The following GALNTL6 variants were observed in gnomAD, a reference collection of about 807,000 sequenced individuals.
GALNTL6 encodes the protein polypeptide N-acetylgalactosaminyltransferase-like 6.
A neutral mutation model predicts 73.7 loss-of-function variants in GALNTL6; 46 were observed. That is an observed-to-expected ratio of 0.62 (90% CI 0.49 to 0.80). The LOEUF (loss-of-function observed/expected upper bound fraction) is 0.80. Ranked by LOEUF, GALNTL6 falls within the 30% of genes least tolerant of loss-of-function variation. GALNTL6 has a pLI of 0.00. For missense variants in GALNTL6, 604 were observed against 755.0 expected (o/e 0.80, Z 2.34); for synonymous variants, 259 against 263.7 (o/e 0.98, Z 0.17).
intron 2 of GALNTL6, among the ~76,000 whole-genome samples, chr4:172,203,193 A>T (rs994376123): frequency 9.9e-5 from 15 of 152,192 alleles, no homozygotes; most frequent in African/African-American, 3.4e-4. Context: ...AAATGTGACC[A>T]TATAGCTATA....
intron 3 of GALNTL6, among the ~76,000 whole-genome samples, chr4:172,298,836 G>A (rs1298676343): frequency 2.0e-5 from 3 of 152,076 alleles, no homozygotes; most frequent in Non-Finnish European, 4.4e-5. Flanking sequence ...CTCTTTTTTT[G>A]TTGTGTCTCT....
intron 10 of GALNTL6, among the ~76,000 whole-genome samples, chr4:173,006,365 T>C (rs751268270): frequency 1.3e-5 from 2 of 152,196 alleles, no homozygotes; most frequent in Non-Finnish European, 2.9e-5. Flanking sequence ...GTCAGGTAGC[T>C]TTCAGGTTAT....
chr4:173,004,610 G>T (rs984298191), intron 10 of GALNTL6, among the ~76,000 whole-genome samples: 6 of 152,140 alleles, frequency 3.9e-5, no homozygotes, highest in African/African-American at 7.2e-5. Context: ...TGGGGAACAA[G>T]AGTGAAACTC....
intron 2 of GALNTL6, among the ~76,000 whole-genome samples, chr4:171,957,357 G>T (rs1739081131): frequency 6.6e-6 from 1 of 152,072 alleles, no homozygotes; most frequent in Admixed American, 6.5e-5. Flanking sequence ...ATTTATAATT[G>T]TAGTTTTATA....
At chr4:172,371,913 C>G (rs1742827572) in intron 5 of GALNTL6, among the ~76,000 whole-genome samples, 1 of 152,136 alleles carries the variant, frequency 6.6e-6, no homozygotes, top group Non-Finnish European at 1.5e-5. Context: ...AATGGGGGTT[C>G]CCAGCAGTTA....
chr4:172,571,436 G>A (rs1381976268), intron 5 of GALNTL6, among the ~76,000 whole-genome samples: 1 of 152,098 alleles, frequency 6.6e-6, no homozygotes, highest in Non-Finnish European at 1.5e-5. Context: ...AATAATCCAG[G>A]AGTCTAACTC....
At chr4:172,086,052 C>A (rs939353207) in intron 2 of GALNTL6, among the ~76,000 whole-genome samples, 9 of 152,060 alleles carry the variant, frequency 5.9e-5, no homozygotes, top group African/African-American at 2.2e-4. Context: ...TTGTTTATAT[C>A]AACCAAAATT....
At chr4:172,820,799 T>C (rs1277263850) in intron 7 of GALNTL6, among the ~76,000 whole-genome samples, 1 of 152,194 alleles carries the variant, frequency 6.6e-6, no homozygotes, top group African/African-American at 2.4e-5. Flanking sequence ...AAAAATCAAA[T>C]TGATGCATAA....
intron 5 of GALNTL6, among the ~76,000 whole-genome samples, chr4:172,581,158 A>T (rs1737170469): frequency 6.6e-6 from 1 of 152,260 alleles, no homozygotes; most frequent in African/African-American, 2.4e-5. Flanking sequence ...AGAAATGGAC[A>T]TTGGATTCTC....
rs560246669 is a variant in GALNTL6 at position 172,687,955 on chromosome 4, A to T, written c.554-121406A>T. ...AACTCAATGTGTATGGCCTGTCTTA[A>T]CTATTTTCCTTAAAGTCATTTTGGT... On this transcript the variant is annotated intron_variant, in intron 5 of 12. Coordinates refer to ENST00000506823, the MANE Select transcript of GALNTL6 (RefSeq NM_001034845.3). 2.0e-5 allele frequency among the ~76,000 whole-genome samples: 3 copies of T among 152,346 alleles called. No homozygotes were observed. In the South Asian group the frequency reaches 6.2e-4, roughly 32 times the overall value.
chr4:172,086,051 T>G (rs1221989692), intron 2 of GALNTL6, among the ~76,000 whole-genome samples: 1 of 152,148 alleles, frequency 6.6e-6, no homozygotes, highest in Non-Finnish European at 1.5e-5. Context: ...TTTGTTTATA[T>G]CAACCAAAAT....
intron 5 of GALNTL6, among the ~76,000 whole-genome samples, chr4:172,515,748 A>T (rs1390789993): frequency 6.6e-6 from 1 of 152,186 alleles, no homozygotes; most frequent in Non-Finnish European, 1.5e-5. Flanking sequence ...GCTCAGGGCA[A>T]TTCCAGAGAG....
At chr4:172,450,742 T>A (rs575845934) in intron 5 of GALNTL6, among the ~76,000 whole-genome samples, 1 of 152,362 alleles carries the variant, frequency 6.6e-6, no homozygotes, top group East Asian at 1.9e-4. Context: ...AATACGTGCA[T>A]CAGAGATTTA....
chr4:172,722,524 C>T (rs991889474), intron 5 of GALNTL6, among the ~76,000 whole-genome samples: 2 of 151,996 alleles, frequency 1.3e-5, no homozygotes, highest in Non-Finnish European at 2.9e-5. Flanking sequence ...CTTTCTCTAC[C>T]TCCCTCTCTC....
chr4:172,082,937 T>C (rs1188358279), intron 2 of GALNTL6, among the ~76,000 whole-genome samples: 1 of 152,168 alleles, frequency 6.6e-6, no homozygotes, highest in Non-Finnish European at 1.5e-5. Flanking sequence ...TCATTGTTTG[T>C]ACTTCTTTTT....
In GALNTL6 at chr4:172,896,027, G is replaced by T. The variant is rs867135635; in HGVS notation, c.1041+13120G>T. Among the ~76,000 whole-genome samples, 17 of 152,134 alleles carry T rather than the reference G, an allele frequency of 1.1e-4. No homozygotes were observed. In the South Asian group the frequency reaches 2.7e-3, roughly 24 times the overall value. ...TGATAAATTTTTGGATTAACTATCT[G>T]TATTTCCTTTAGGTTCGTTGACTTC... On this transcript the variant is annotated intron_variant, in intron 8 of 12. Coordinates refer to ENST00000506823, the MANE Select transcript of GALNTL6 (RefSeq NM_001034845.3).
chr4:171,814,791 C>T, intron 2 of GALNTL6, 73 bp downstream of exon 2: 1 of 1,500,382 alleles, frequency 6.7e-7, no homozygotes, highest in Non-Finnish European at 9.2e-7. Context: ...CTCGAGAAAG[C>T]CGGTGTGGGA....
At chr4:171,968,397 G>C (rs962400928) in intron 2 of GALNTL6, among the ~76,000 whole-genome samples, 7 of 152,034 alleles carry the variant, frequency 4.6e-5, no homozygotes, top group African/African-American at 1.4e-4. Flanking sequence ...AACCATCCTT[G>C]GAATTGCTCG....
chr4:173,033,875 G>T (rs1326335263), intron 12 of GALNTL6, among the ~76,000 whole-genome samples: 1 of 152,084 alleles, frequency 6.6e-6, no homozygotes, highest in Non-Finnish European at 1.5e-5. Context: ...TTGATAGGAG[G>T]GGGTAACTCG....
Sources: allele counts gnomAD v4.1 joint callset (sites outside exome capture counted in the v4.1 genomes callset), GRCh38; gene constraint gnomAD v4.1.1; transcripts MANE v1.5; gene names NCBI Gene and HGNC (gene_info 2026-07-23, HGNC 2026-07-21).